RASA3: variants seen among roughly 807,000 people sequenced by gnomAD.
RASA3 encodes RAS p21 protein activator 3.
In RASA3, 73 loss-of-function variants were observed where a neutral mutation model predicts 110.0. The ratio of observed to expected loss-of-function variants is 0.66; its 90% CI spans 0.55 to 0.81. The LOEUF is 0.81. RASA3 is among the 30% of genes least tolerant of loss of function. The probability of loss-of-function intolerance (pLI) is 0.00; values close to 1 mark genes in which losing one functional copy is unlikely to be tolerated. For synonymous variants in RASA3, 500 were observed against 451.4 expected (o/e 1.11, Z -1.37); for missense variants, 976 against 1,113.2 (o/e 0.88, Z 1.75).
intron 4 of RASA3, among the ~76,000 whole-genome samples, chr13:114,035,366 G>A (rs1399922161): frequency 6.6e-6 from 1 of 152,314 alleles, no homozygotes; most frequent in African/African-American, 2.4e-5. Context: ...ACTCACAGAC[G>A]CAGCAAAGGG....
intron 1 of RASA3, among the ~76,000 whole-genome samples, chr13:114,124,176 C>T (rs1221133853): frequency 1.3e-5 from 2 of 152,140 alleles, no homozygotes; most frequent in Non-Finnish European, 2.9e-5. Flanking sequence ...CCAGAAGGAA[C>T]AAAACTGAGA....
At chr13:114,071,353 C>T (rs2079569779) in intron 2 of RASA3, among the ~76,000 whole-genome samples, 2 of 152,206 alleles carry the variant, frequency 1.3e-5, no homozygotes, top group Admixed American at 1.3e-4. Context: ...TTCTCAACCT[C>T]ACCTGAAAGA....
chr13:114,099,154 A>C (rs1310279577), intron 1 of RASA3, among the ~76,000 whole-genome samples: 1 of 124,656 alleles, frequency 8.0e-6, no homozygotes, highest in Non-Finnish European at 1.7e-5. Context: ...CGGCCACCCG[A>C]GCCCCCCAGA....
intron 4 of RASA3, chr13:114,035,821 A>C (rs1476387122): frequency 6.6e-6 from 1 of 152,232 alleles, no homozygotes; most frequent in Non-Finnish European, 1.5e-5. Context: ...GAGATGTGAA[A>C]GCTTGACGAC....
At chr13:113,980,664 G>A (rs1299748115) in intron 23 of RASA3, among the ~76,000 whole-genome samples, 1 of 152,228 alleles carries the variant, frequency 6.6e-6, no homozygotes, top group African/African-American at 2.4e-5. Context: ...GAAGGGTGTC[G>A]AGAGGGATCT....
chr13:113,978,713 T>G lies in RASA3; in HGVS notation c.*634A>C, dbSNP rs1426625881. ...CCAAGCACCAAGGACATCCTCAGACTGGGACTTCTGTGTAATTCTGCACCT... is the reference window on the plus strand; with the variant it reads ...CCAAGCACCAAGGACATCCTCAGACGGGGACTTCTGTGTAATTCTGCACCT... On this transcript the variant is annotated 3_prime_UTR_variant, in exon 24 of 24. Transcript: ENST00000334062. 1.3e-5 allele frequency: 2 copies of G among 152,744 alleles called. No individual in the cohort carries two copies. The highest frequency in any genetic ancestry group is 4.8e-5 in the African/African-American group (2 of 41,450). 9.5% of individuals were successfully genotyped at this position (152,744 alleles called of 1,614,324 possible).
rs1183761666 is a variant in RASA3, at chr13:114,065,257, C to T, written c.173+8463G>A. The stretch of plus-strand genomic sequence containing the variant: ...GGCTGGCGCTGCCCCATCCCGCCTG[C>T]GGCTGCTCCCATCACGTGATCATAA... On this transcript the variant is annotated intron_variant, in intron 2 of 23. Transcript: ENST00000334062. This position sits in a 1 kb window ranked among gnomAD's most constrained non-coding sequence, Gnocchi z 4.1. Among the ~76,000 whole-genome samples, 3 of 152,238 alleles carry T rather than the reference C, an allele frequency of 2.0e-5. No homozygotes were observed. The highest frequency in any genetic ancestry group is 2.9e-5 in the Non-Finnish European group (2 of 68,050).
At chr13:114,066,240 G>A (rs963665020) in intron 2 of RASA3, among the ~76,000 whole-genome samples, 3 of 152,176 alleles carry the variant, frequency 2.0e-5, no homozygotes, top group African/African-American at 7.2e-5. Context: ...CGGCCACGAT[G>A]TGTGACTGCA....
chr13:114,091,065 G>A (rs957797701), intron 1 of RASA3, among the ~76,000 whole-genome samples: 4 of 152,112 alleles, frequency 2.6e-5, no homozygotes, highest in Admixed American at 2.0e-4. Flanking sequence ...ATCTGTAGAC[G>A]CACTCTCTAG....
intron 15 of RASA3, among the ~76,000 whole-genome samples, chr13:114,012,012 G>C (rs967737077): frequency 2.1e-4 from 32 of 152,040 alleles, no homozygotes; most frequent in Non-Finnish European, 3.5e-4. Context: ...CGTGCAACAC[G>C]GTCACCCCAG....
intron 13 of RASA3, 41 bp from the exon 14 acceptor site, chr13:114,015,373 C>T: frequency 6.2e-7 from 1 of 1,607,844 alleles, no homozygotes. Context: ...CCCGAGGCTG[C>T]CCACAGGTGC....
chr13:113,981,233 C>T (rs1167101787), intron 23 of RASA3, among the ~76,000 whole-genome samples: 1 of 152,200 alleles, frequency 6.6e-6, no homozygotes, highest in Non-Finnish European at 1.5e-5. Flanking sequence ...ACGTACTCAA[C>T]CTCGCCACAC....
intron 18 of RASA3, among the ~76,000 whole-genome samples, chr13:114,002,847 CCT>C (rs2053436042): frequency 1.3e-5 from 2 of 152,214 alleles, no homozygotes; most frequent in African/African-American, 4.8e-5. Flanking sequence ...AAGCCGGAAG[CCT>C]CAGGCTGAAA....
At chr13:114,054,412 G>T (rs933372378) in intron 2 of RASA3, among the ~76,000 whole-genome samples, 9 of 150,294 alleles carry the variant, frequency 6.0e-5, no homozygotes, top group African/African-American at 2.2e-4. Context: ...CCCAAACCTG[G>T]GGCGGGCGAC....
rs531523843 is a variant in RASA3 at position 114,096,391 on chromosome 13, C to A, written c.56-22554G>T. On this transcript the variant is annotated intron_variant, in intron 1 of 23. Transcript: ENST00000334062. The surrounding 1 kb of genome is among the most constrained non-coding windows in gnomAD (Gnocchi z 5.1). ...TTGTCCGACACTGGGTGATTCTGCA[C>A]GCCCGGCTCGGAACCCTGTGCATTG... 1.7e-4 allele frequency among the ~76,000 whole-genome samples: 26 copies of A among 152,254 alleles called. No individual in the cohort carries two copies. Among genetic ancestry groups the A allele is most frequent in the African/African-American group, 6.3e-4 (26 of 41,556 alleles).
intron 2 of RASA3, among the ~76,000 whole-genome samples, chr13:114,052,692 C>T (rs911474151): frequency 7.3e-5 from 11 of 150,990 alleles, no homozygotes; most frequent in Non-Finnish European, 1.2e-4. Context: ...GAGAGGCCCC[C>T]GCTGCTGACT....
intron 20 of RASA3, among the ~76,000 whole-genome samples, chr13:113,997,606 G>C (rs1356994771): frequency 2.0e-5 from 3 of 151,976 alleles, no homozygotes; most frequent in Non-Finnish European, 2.9e-5. Context: ...TAGAGGGACG[G>C]GGGTGCTGGG....
chr13:114,047,539 C>G (rs2079073224), intron 3 of RASA3, among the ~76,000 whole-genome samples: 1 of 152,258 alleles, frequency 6.6e-6, no homozygotes, highest in East Asian at 1.9e-4. Context: ...CCAGCAACCT[C>G]GCTCCCACGC....
At chr13:114,118,300 T>C (rs2080323850) in intron 1 of RASA3, among the ~76,000 whole-genome samples, 1 of 152,116 alleles carries the variant, frequency 6.6e-6, no homozygotes, top group Non-Finnish European at 1.5e-5. Flanking sequence ...CCCCCGCCTG[T>C]GTGACTCAAA....
Sources: gnomAD v4.1 joint callset for allele counts (sites outside exome capture counted in the v4.1 genomes callset) on GRCh38, gnomAD v4.1.1 for gene constraint, Gnocchi (gnomAD v3.1) non-coding constraint, MANE v1.5 for transcripts, NCBI Gene and HGNC (gene_info 2026-07-23, HGNC 2026-07-21) for gene names.